TTLL11: variants seen among roughly 807,000 people sequenced by gnomAD.
TTLL11 encodes the protein tubulin polyglutamylase TTLL11.
In TTLL11, 42 loss-of-function variants were observed where a neutral mutation model predicts 51.7. The ratio of observed to expected loss-of-function variants is 0.81; its 90% CI spans 0.64 to 1.05. The LOEUF (loss-of-function observed/expected upper bound fraction) is 1.05, where lower values mean the gene tolerates loss of function less well. Ranked by LOEUF, TTLL11 falls within the 50% of genes least tolerant of loss-of-function variation. The pLI, the probability that TTLL11 is intolerant of heterozygous loss-of-function variation, is 0.00. For synonymous variants in TTLL11, 381 were observed against 383.5 expected, an observed-to-expected ratio of 0.99 and a Z score of 0.08; for missense variants, 799 against 940.4, an observed-to-expected ratio of 0.85 and a Z score of 1.97.
rs527860484 is a variant in TTLL11 at position 122,068,565 on chromosome 9, A to AC, written c.462+24121dup. Among the ~76,000 whole-genome samples, 1,112 of 152,258 alleles carry AC rather than the reference A, an allele frequency of 7.3e-3. 15 individuals carry two copies. The highest frequency in any genetic ancestry group is 0.026 in the African/African-American group (1,071 of 41,544). Reference sequence around the variant, plus strand: ...CCTCCTCTAAGGTGGGGGTTATTATACCCCATCATTCAGCTGAGGAAACTA... The same window carrying AC: ...CCTCCTCTAAGGTGGGGGTTATTATACCCCCATCATTCAGCTGAGGAAACTA... On this transcript the variant is annotated intron_variant, in intron 1 of 8. Coordinates refer to ENST00000321582, the MANE Select transcript of TTLL11 (RefSeq NM_001139442.2).
At chr9:122,063,998 A>G (rs1269505074) in intron 1 of TTLL11, among the ~76,000 whole-genome samples, 1 of 152,246 alleles carries the variant, frequency 6.6e-6, no homozygotes, top group Non-Finnish European at 1.5e-5. Flanking sequence ...TTCACTTAAT[A>G]TCAGCCTGGA....
intron 4 of TTLL11, chr9:121,988,861 T>C (rs777207769): frequency 1.4e-5 from 6 of 442,998 alleles, no homozygotes; most frequent in Non-Finnish European, 2.3e-5. Flanking sequence ...GGTTGTTGAA[T>C]GAGTAAGTGA....
intron 6 of TTLL11, among the ~76,000 whole-genome samples, chr9:121,878,005 T>C (rs890156752): frequency 6.6e-6 from 1 of 152,228 alleles, no homozygotes; most frequent in Non-Finnish European, 1.5e-5. Flanking sequence ...CCCATTTCAC[T>C]GATGAGAAAA....
chr9:121,930,258 T>C (rs1331026962), intron 6 of TTLL11, among the ~76,000 whole-genome samples: 1 of 152,178 alleles, frequency 6.6e-6, no homozygotes, highest in Non-Finnish European at 1.5e-5. Flanking sequence ...CTGTGATTTG[T>C]AAATTATGGG....
At chr9:121,914,597 C>A (rs1840254494) in intron 6 of TTLL11, among the ~76,000 whole-genome samples, 1 of 152,208 alleles carries the variant, frequency 6.6e-6, no homozygotes, top group South Asian at 2.1e-4. Flanking sequence ...ATATAGATCA[C>A]TCAGGCCTTC....
At chr9:121,846,375 G>A (rs1453523321) in intron 8 of TTLL11, among the ~76,000 whole-genome samples, 1 of 152,150 alleles carries the variant, frequency 6.6e-6, no homozygotes, top group African/African-American at 2.4e-5. Context: ...GACAGATCCA[G>A]CAGGCAGAAA....
At chr9:121,910,035 T>C (rs1840062646) in intron 6 of TTLL11, among the ~76,000 whole-genome samples, 2 of 152,166 alleles carry the variant, frequency 1.3e-5, no homozygotes, top group East Asian at 1.9e-4. Context: ...GGCAATAATG[T>C]AAGGTATGTA....
At chr9:121,931,583 TTAAAAAAAAA>T (rs1161851008) in intron 6 of TTLL11, among the ~76,000 whole-genome samples, 6 of 103,836 alleles carry the variant, frequency 5.8e-5, no homozygotes, top group Non-Finnish European at 1.0e-4. Flanking sequence ...TTTCTACTAT[TTAAAAAAAAA>T]AAAAAAAAAA....
chr9:121,938,152 G>T (rs955182591), intron 6 of TTLL11, among the ~76,000 whole-genome samples: 1 of 152,042 alleles, frequency 6.6e-6, no homozygotes, highest in Non-Finnish European at 1.5e-5. Flanking sequence ...AGCCGGGCAT[G>T]GTGGTGGGCA....
chr9:122,058,615 T>A (rs1845357542), intron 1 of TTLL11, among the ~76,000 whole-genome samples: 1 of 152,150 alleles, frequency 6.6e-6, no homozygotes, highest in South Asian at 2.1e-4. Flanking sequence ...TCAAATATGA[T>A]GGGAGAGGGG....
Position 121,860,187 on chromosome 9 carries a change from T to A in TTLL11, c.1840+150A>T, listed in dbSNP as rs771370112. On this transcript the variant is annotated intron_variant, in intron 8 of 8. Transcript: ENST00000321582. ...TCGGTAGCAGACAGTGCTCCAGCAT[T>A]TAAATTCAGCTCAATCCCTGGGATT... is the stretch of plus-strand genomic sequence containing the variant. 8.1e-6 allele frequency: 5 copies of A among 616,972 alleles called. No individual in the cohort carries two copies. The African/African-American group carries it at 9.2e-5, about 11-fold the overall frequency. The allele number at this position is 616,972 out of a possible 1,614,324, so 38.2% of individuals were successfully genotyped here.
At chr9:122,079,853 C>T (rs1564389078) in intron 1 of TTLL11, among the ~76,000 whole-genome samples, 1 of 151,602 alleles carries the variant, frequency 6.6e-6, no homozygotes, top group East Asian at 2.0e-4. Context: ...ATGAGCCAGG[C>T]ACAGTGGCTC....
chr9:121,836,151 G>A (rs529756777), intron 8 of TTLL11, among the ~76,000 whole-genome samples: 1 of 152,148 alleles, frequency 6.6e-6, no homozygotes, highest in Non-Finnish European at 1.5e-5. Flanking sequence ...GCCCCTGATT[G>A]TCTGTGGTTG....
At position 122,068,171 on chromosome 9, in the gene TTLL11, C is replaced by T. The variant is rs566208978; in HGVS notation, c.462+24516G>A. ...AAGGATGCAGTAAATCAATATATAA[C>T]GATACAAAACAATAGCTAAGTTATA... On this transcript the variant is annotated intron_variant, in intron 1 of 8. Transcript: ENST00000321582. 1.6e-4 allele frequency among the ~76,000 whole-genome samples: 24 copies of T among 152,066 alleles called. 1 individual carries two copies. The South Asian group carries it at 3.1e-3, about 20-fold the overall frequency.
At chr9:121,896,004 GTA>G (rs1412470686) in intron 6 of TTLL11, among the ~76,000 whole-genome samples, 2 of 130,608 alleles carry the variant, frequency 1.5e-5, no homozygotes, top group Admixed American at 7.8e-5. Flanking sequence ...GTGTGAGTGT[GTA>G]TGTGTGGTTG....
rs890902031 is a variant in TTLL11, at chr9:121,821,695, C to T, written c.*892G>A. On this transcript the variant is annotated 3_prime_UTR_variant, in exon 9 of 9. Transcript: ENST00000321582. The surrounding 1 kb of genome is among the most constrained non-coding windows in gnomAD (Gnocchi z 5.0). ...TGACCCTGGCACCAGGTCTGACATA[C>T]ACTACTCCTCTTGCTCTGGTTCTTA... Among the ~76,000 whole-genome samples the T allele has an allele frequency of 1.3e-5, 2 of 152,154 alleles. No individual in the cohort carries two copies. Among genetic ancestry groups the T allele is most frequent in the Admixed American group, 6.5e-5 (1 of 15,278 alleles).
chr9:121,987,426 G>GCCCCCA (rs1343609846), intron 4 of TTLL11, among the ~76,000 whole-genome samples: 1 of 152,114 alleles, frequency 6.6e-6, no homozygotes. Flanking sequence ...GTGTACCTAT[G>GCCCCCA]GAGTGTCTGG....
At chr9:121,826,557 GTATATA>G (rs1171227988) in intron 8 of TTLL11, among the ~76,000 whole-genome samples, 10 of 51,346 alleles carry the variant, frequency 1.9e-4, no homozygotes, top group African/African-American at 4.9e-4. Context: ...ATATGTGTGT[GTATATA>G]TATATATATA....
intron 6 of TTLL11, among the ~76,000 whole-genome samples, chr9:121,881,817 G>A (rs149621813): frequency 1.6e-4 from 25 of 152,234 alleles, no homozygotes; most frequent in African/African-American, 5.8e-4. Flanking sequence ...CCCCTCCTTT[G>A]GGCCAGAGAC....
Sources: allele counts gnomAD v4.1 joint callset (sites outside exome capture counted in the v4.1 genomes callset), GRCh38; gene constraint gnomAD v4.1.1; non-coding constraint Gnocchi (gnomAD v3.1); transcripts MANE v1.5; gene names NCBI Gene and HGNC (gene_info 2026-07-23, HGNC 2026-07-21).